DAB1: variants seen among roughly 807,000 people sequenced by gnomAD.
DAB1 encodes the protein DAB adaptor protein 1.
Under a neutral mutation model 64.6 loss-of-function variants are expected in DAB1, and 15 were observed. That is an observed-to-expected ratio of 0.23 (90% CI 0.16 to 0.36). DAB1 has a LOEUF of 0.36. DAB1 is among the 10% of genes least tolerant of loss of function. The probability of loss-of-function intolerance (pLI) is 1.00; values close to 1 mark genes in which losing one functional copy is unlikely to be tolerated. For synonymous variants in DAB1, 235 were observed against 251.9 expected (o/e 0.93, Z 0.64); for missense variants, 596 against 706.7 (o/e 0.84, Z 1.78).
chr1:58,188,269 T>G (rs115359843), intron 4 of DAB1, among the ~76,000 whole-genome samples: 1,749 of 152,332 alleles, frequency 0.011, 36 homozygotes, highest in African/African-American at 0.04. Context: ...GTGACAGAGA[T>G]CATACGCGGC....
In DAB1 at chr1:57,023,633, C is replaced by T. The variant is rs532864586; in HGVS notation, c.793G>A (p.Ala265Thr). Reference protein sequence around the residue: ...PPDITSPPTPATPGDAFIPSS... With the variant: ...PPDITSPPTPTTPGDAFIPSS... ...GGGATAAAGGCATCACCTGGAGTTG[C>T]AGGAGTCTGCCAGACAGAGAGAGGC... Residue 265 changes from alanine (A) to threonine (T), a missense_variant, in exon 11 of 15, where the codon GCA (alanine) becomes ACA (threonine). This residue lies in a region of DAB1 where 377 missense variants were observed against 400.4 expected (regional missense o/e 0.94). Transcript: ENST00000371236. 3.5e-4 allele frequency: 556 copies of T among 1,606,874 alleles called. 9 individuals are homozygous for T. The South Asian group carries it at 5.8e-3, about 17-fold the overall frequency.
chr1:57,504,486 A>G (rs1270965233), intron 7 of DAB1, among the ~76,000 whole-genome samples: 1 of 152,266 alleles, frequency 6.6e-6, no homozygotes. Flanking sequence ...AGAAAACAGT[A>G]TTAGATTATA....
intron 7 of DAB1, among the ~76,000 whole-genome samples, chr1:57,484,578 A>G (rs1486018626): frequency 1.3e-5 from 2 of 152,218 alleles, no homozygotes; most frequent in African/African-American, 4.8e-5. Flanking sequence ...CTTGCTTGGA[A>G]GAACACCAAA....
At chr1:57,557,884 C>A (rs1645008348) in intron 7 of DAB1, among the ~76,000 whole-genome samples, 1 of 152,158 alleles carries the variant, frequency 6.6e-6, no homozygotes, top group Non-Finnish European at 1.5e-5. Context: ...GAGATTCTAT[C>A]TCCCGGCTTC....
chr1:58,300,606 AAGAAAG>A (rs1662115615), intron 4 of DAB1, among the ~76,000 whole-genome samples: 43 of 37,986 alleles, frequency 1.1e-3, no homozygotes, highest in Admixed American at 2.0e-3. Flanking sequence ...GAAAGAAAGA[AAGAAAG>A]AGAGAGAGAG....
intron 2 of DAB1, among the ~76,000 whole-genome samples, chr1:57,232,399 ATCAG>A (rs1449228074): frequency 1.3e-5 from 2 of 149,164 alleles, no homozygotes; most frequent in African/African-American, 4.9e-5. Context: ...TATTCATTCA[ATCAG>A]TCATTTATTC....
chr1:58,260,237 G>A (rs905984548), intron 4 of DAB1, among the ~76,000 whole-genome samples: 5 of 152,104 alleles, frequency 3.3e-5, no homozygotes, highest in African/African-American at 7.2e-5. Context: ...TTTCAGAGCC[G>A]CCCTTCTCAC....
At chr1:58,402,688 C>A (rs12117691) in intron 3 of DAB1, among the ~76,000 whole-genome samples, 11 of 151,892 alleles carry the variant, frequency 7.2e-5, no homozygotes, top group Admixed American at 2.0e-4. Flanking sequence ...TCATTTGTAT[C>A]GGATCCAGAA....
chr1:57,804,343 C>A (rs1454525329), intron 6 of DAB1, among the ~76,000 whole-genome samples: 1 of 152,194 alleles, frequency 6.6e-6, no homozygotes, highest in Admixed American at 6.5e-5. Context: ...CCAATCACTT[C>A]TGGGAACCAC....
intron 3 of DAB1, among the ~76,000 whole-genome samples, chr1:58,414,888 G>A (rs1257257619): frequency 2.0e-5 from 3 of 152,016 alleles, no homozygotes; most frequent in African/African-American, 7.2e-5. Context: ...TTAAGGAAAC[G>A]AAGTGTCTGA....
intron 2 of DAB1, among the ~76,000 whole-genome samples, chr1:57,224,135 A>C (rs1405716748): frequency 4.6e-5 from 7 of 152,154 alleles, no homozygotes; most frequent in African/African-American, 1.7e-4. Flanking sequence ...AGGCTTACTC[A>C]CAGGCTTATT....
chr1:57,029,848 T>C (rs1646911808), intron 9 of DAB1, among the ~76,000 whole-genome samples: 1 of 152,230 alleles, frequency 6.6e-6, no homozygotes, highest in Admixed American at 6.5e-5. Context: ...CTTTTGATTT[T>C]ACAGATCATA....
intron 3 of DAB1, among the ~76,000 whole-genome samples, chr1:58,422,816 A>C (rs1366523381): frequency 3.3e-5 from 5 of 152,144 alleles, no homozygotes; most frequent in African/African-American, 4.8e-5. Flanking sequence ...CTACTGCAAA[A>C]AAAAAGAAAA....
rs868584764 is a variant in DAB1 at position 58,386,668 on chromosome 1, G to A, written n.258-43265C>T. Among the ~76,000 whole-genome samples, 79 of 152,280 alleles carry A rather than the reference G, an allele frequency of 5.2e-4. 1 individual carries two copies. The highest frequency in any genetic ancestry group is 4.6e-3 in the Admixed American group (70 of 15,294). ...ACCTCAGTTTCCGCTTTTGTAAAGT[G>A]AGAAATATGATGTCAGATCTGCACA... On this transcript the variant is annotated intron_variant and non_coding_transcript_variant, in intron 3 of 20. Transcript: ENST00000485760.
chr1:58,289,925 AC>A (rs1188556039), intron 4 of DAB1, among the ~76,000 whole-genome samples: 1 of 152,242 alleles, frequency 6.6e-6, no homozygotes, highest in African/African-American at 2.4e-5. Flanking sequence ...AGATATTCTC[AC>A]TTGTATCCAG....
intron 1 of DAB1, among the ~76,000 whole-genome samples, chr1:57,323,751 T>A (rs1039271249): frequency 6.6e-6 from 1 of 152,152 alleles, no homozygotes; most frequent in African/African-American, 2.4e-5. Flanking sequence ...AGTATTTATT[T>A]TGAAGCACAG....
At chr1:58,032,839 T>C (rs1225282406) in intron 5 of DAB1, among the ~76,000 whole-genome samples, 6 of 152,196 alleles carry the variant, frequency 3.9e-5, no homozygotes, top group East Asian at 3.9e-4. Context: ...GCAGGGTTGA[T>C]AGGACAATTT....
At position 58,031,886 on chromosome 1, in the gene DAB1, C is replaced by T. The variant is rs538197491; in HGVS notation, n.387+118625G>A. ...TGCTATTCAGCCAAATACTCAAGTG[C>T]ACGGTGTTTCCCTTCTATACCCTCA... On this transcript the variant is annotated intron_variant and non_coding_transcript_variant, in intron 5 of 20. Transcript: ENST00000485760. 2.0e-5 allele frequency among the ~76,000 whole-genome samples: 3 copies of T among 152,038 alleles called. No homozygotes were observed. In the South Asian group the frequency reaches 6.2e-4, roughly 32 times the overall value.
At chr1:57,109,495 G>A (rs1396012520) in intron 4 of DAB1, among the ~76,000 whole-genome samples, 2 of 152,138 alleles carry the variant, frequency 1.3e-5, no homozygotes, top group East Asian at 3.9e-4. Flanking sequence ...GATGGAACTT[G>A]GAGTATGAAT....
Sources: gnomAD v4.1 joint callset for allele counts (sites outside exome capture counted in the v4.1 genomes callset) on GRCh38, gnomAD v4.1.1 for gene constraint, gnomAD v4.1.1 regional missense constraint, MANE v1.5 for transcripts, NCBI Gene and HGNC (gene_info 2026-07-23, HGNC 2026-07-21) for gene names.